Variants in ANK3 observed in about 807,000 individuals in gnomAD.
ANK3 encodes the protein ankyrin 3, also known as ankyrin-3.
In ANK3, 57 loss-of-function variants were observed where a neutral mutation model predicts 370.9. The ratio of observed to expected loss-of-function variants is 0.15; its 90% CI spans 0.12 to 0.19. The LOEUF (loss-of-function observed/expected upper bound fraction) is 0.19. Among genes scored for constraint, ANK3 ranks in the 10% least tolerant of loss-of-function variants. The pLI is 1.00. For synonymous variants in ANK3, 1,929 were observed against 1,946.3 expected, an observed-to-expected ratio of 0.99 and a Z score of 0.23; for missense variants, 4,439 against 5,302.1, an observed-to-expected ratio of 0.84 and a Z score of 5.06.
intron 7 of ANK3, among the ~76,000 whole-genome samples, chr10:60,244,370 T>C (rs1304381954): frequency 1.3e-5 from 2 of 152,218 alleles, no homozygotes; most frequent in Non-Finnish European, 2.9e-5. Context: ...CAAAATCTTG[T>C]AGATAATGAA....
chr10:60,287,636 C>T (rs1296870288), intron 1 of ANK3, among the ~76,000 whole-genome samples: 2 of 152,162 alleles, frequency 1.3e-5, no homozygotes, highest in African/African-American at 2.4e-5. Context: ...ACAGGAATCT[C>T]ATTACAGAGG....
At chr10:60,363,668 C>G (rs534261772) in intron 1 of ANK3, among the ~76,000 whole-genome samples, 1 of 152,138 alleles carries the variant, frequency 6.6e-6, no homozygotes, top group South Asian at 2.1e-4. Context: ...GGGCACAGCC[C>G]AATAAGAAAT....
chr10:60,385,402 C>G (rs1263481425), intron 1 of ANK3, among the ~76,000 whole-genome samples: 2 of 151,922 alleles, frequency 1.3e-5, no homozygotes, highest in Admixed American at 6.6e-5. Flanking sequence ...CTGGGGCTCC[C>G]TCTTCATTCT....
chr10:60,099,719 T>TA (rs2090833393), intron 28 of ANK3, among the ~76,000 whole-genome samples: 3 of 152,236 alleles, frequency 2.0e-5, no homozygotes, highest in African/African-American at 7.2e-5. Flanking sequence ...AATATGATTC[T>TA]ATCTTCAAAA....
At chr10:60,106,579 C>G (rs894964963) in intron 27 of ANK3, among the ~76,000 whole-genome samples, 1 of 151,640 alleles carries the variant, frequency 6.6e-6, no homozygotes, top group Non-Finnish European at 1.5e-5. Flanking sequence ...ATGGCCTGTA[C>G]AGTTAAGACA....
chr10:60,088,398 A>G, intron 28 of ANK3, 40 bp from the exon 29 acceptor site: 2 of 1,545,368 alleles, frequency 1.3e-6, no homozygotes, highest in Non-Finnish European at 1.8e-6. Context: ...GAGAATAAGC[A>G]TATCTACAAC....
intron 43 of ANK3, among the ~76,000 whole-genome samples, chr10:60,039,337 C>G (rs1361449810): frequency 6.6e-6 from 1 of 152,104 alleles, no homozygotes; most frequent in Non-Finnish European, 1.5e-5. Context: ...AAGTCTTTGC[C>G]ATGGCTTAAA....
chr10:60,553,090 G>A (rs970993251), intron 2 of ANK3, among the ~76,000 whole-genome samples: 6 of 152,110 alleles, frequency 3.9e-5, no homozygotes, highest in Non-Finnish European at 5.9e-5. Flanking sequence ...CATGAGAATG[G>A]ACTAATACAG....
At chr10:60,140,369 T>C in intron 23 of ANK3, 1 of 1,613,866 alleles carries the variant, frequency 6.2e-7, no homozygotes, top group South Asian at 1.1e-5. Context: ...TAAAGCCATT[T>C]CCACTAGGCT....
chr10:60,234,987 G>A (rs918580090), intron 7 of ANK3, among the ~76,000 whole-genome samples: 3 of 152,224 alleles, frequency 2.0e-5, no homozygotes, highest in Non-Finnish European at 2.9e-5. Context: ...GGGAATCTGT[G>A]AGGCAGGGTC....
intron 2 of ANK3, among the ~76,000 whole-genome samples, chr10:60,451,512 C>T (rs1232693775): frequency 6.6e-6 from 1 of 152,156 alleles, no homozygotes; most frequent in Non-Finnish European, 1.5e-5. Context: ...ACATGGGGAT[C>T]CAGGAAAAGT....
At position 60,196,557 on chromosome 10, in the gene ANK3, C is replaced by T; in HGVS notation, c.1758G>A (p.Gln586=). 1 of 1,613,152 alleles carries T rather than the reference C, an allele frequency of 6.2e-7. No individual in the cohort carries two copies. The highest frequency in any genetic ancestry group is 2.2e-5 in the East Asian group (1 of 44,848). The change falls in exon 15 of 44, where the codon CAG becomes CAA. Residue 586 remains glutamine, a synonymous_variant. Coordinates refer to ENST00000280772, the MANE Select transcript of ANK3 (RefSeq NM_020987.5). ...CAGCAGCATCTGGAGATGCACTTTT[C>T]TGTAGCAGGAGATTGGCGACTTCAA... ...GKLEVANLLL[Q]KSASPDAAGK...
chr10:60,366,264 C>T (rs866281342), intron 1 of ANK3, among the ~76,000 whole-genome samples: 128 of 152,144 alleles, frequency 8.4e-4, no homozygotes, highest in African/African-American at 2.9e-3. Context: ...ACCCGGGAGG[C>T]GGAGTTTGCA....
intron 2 of ANK3, among the ~76,000 whole-genome samples, chr10:60,574,862 T>C (rs1476238179): frequency 6.6e-6 from 1 of 152,156 alleles, no homozygotes; most frequent in Non-Finnish European, 1.5e-5. Flanking sequence ...AATTTGTCTA[T>C]AGTAGATTCC....
rs115963664 is a variant in ANK3 at position 60,241,687 on chromosome 10, C to A, written c.799-6901G>T. 3.0e-3 allele frequency among the ~76,000 whole-genome samples: 460 copies of A among 152,184 alleles called. 2 individuals carry two copies. Among genetic ancestry groups the A allele is most frequent in the African/African-American group, 0.01 (432 of 41,474 alleles). ...TTAACTTAACTTTCCCATCAAACTA[C>A]TCAAGGTAATATTTATTCACTCTAA... On this transcript the variant is annotated intron_variant, in intron 7 of 43. Coordinates refer to ENST00000280772, the MANE Select transcript of ANK3 (RefSeq NM_020987.5).
intron 1 of ANK3, among the ~76,000 whole-genome samples, chr10:60,617,967 A>T (rs2078286690): frequency 2.0e-5 from 3 of 152,192 alleles, no homozygotes; most frequent in Admixed American, 1.3e-4. Flanking sequence ...CTAGAGGCTC[A>T]TAATTGAGTT....
intron 1 of ANK3, among the ~76,000 whole-genome samples, chr10:60,387,603 T>A (rs1008239451): frequency 1.3e-5 from 2 of 152,214 alleles, no homozygotes; most frequent in Non-Finnish European, 2.9e-5. Context: ...TCTGTGAGTG[T>A]CCTGAGAACA....
At chr10:60,122,726 A>G (rs10761459) in intron 25 of ANK3, among the ~76,000 whole-genome samples, 51,317 of 152,048 alleles carry the variant, frequency 0.34, 10,100 homozygotes, top group East Asian at 0.66. Context: ...ATATGTGTAA[A>G]GCCTTCTATA....
intron 1 of ANK3, among the ~76,000 whole-genome samples, chr10:60,700,709 C>G (rs1486284024): frequency 2.0e-5 from 3 of 152,132 alleles, no homozygotes; most frequent in Non-Finnish European, 4.4e-5. Context: ...GCTTTCACTT[C>G]AGGGAGGTAA....
Sources: allele counts gnomAD v4.1 joint callset (sites outside exome capture counted in the v4.1 genomes callset), GRCh38; gene constraint gnomAD v4.1.1; transcripts MANE v1.5; gene names NCBI Gene and HGNC (gene_info 2026-07-23, HGNC 2026-07-21).